PDLIM2: variants seen among roughly 807,000 people sequenced by gnomAD.
The protein encoded by PDLIM2 is PDZ and LIM domain 2, also known as PDZ and LIM domain protein 2.
In PDLIM2, 51 loss-of-function variants were observed where a neutral mutation model predicts 54.1. That is an observed-to-expected ratio of 0.94 (90% confidence interval 0.75 to 1.19). The LOEUF is 1.19. PDLIM2 is among the 50% of genes most tolerant of loss of function. The pLI is 0.00. For missense variants in PDLIM2, 912 were observed against 874.0 expected (o/e 1.04, Z -0.55); for synonymous variants, 398 against 385.6 (o/e 1.03, Z -0.38).
chr8:22,579,387 G>C, exon 1 of PDLIM2: 1 of 1,502,382 alleles, frequency 6.7e-7, no homozygotes, highest in Non-Finnish European at 8.8e-7. Context: ...TCCCCGGCCG[G>C]AGCGCTCCTC....
At chr8:22,579,990 C>T (rs1346669729) in intron 1 of PDLIM2, among the ~76,000 whole-genome samples, 2 of 152,188 alleles carry the variant, frequency 1.3e-5, no homozygotes, top group Non-Finnish European at 2.9e-5. Flanking sequence ...CCGTGTGATC[C>T]ACTTTGCCAA....
In PDLIM2 at chr8:22,583,232, G is replaced by C. The variant is rs928559672; in HGVS notation, c.996-1589G>C. The stretch of plus-strand genomic sequence containing the variant: ...GGAGCTGGGAGGGCGTGCCCCTCTC[G>C]CTGGTGGGGAGCTGGGCCTACTTGT... On this transcript the variant is annotated intron_variant, in intron 3 of 9. Transcript: ENST00000308354. Among the ~76,000 whole-genome samples, 7 of 152,188 alleles carry C rather than the reference G, an allele frequency of 4.6e-5. No homozygotes were observed. The East Asian group carries it at 1.2e-3, about 25-fold the overall frequency.
intron 6 of PDLIM2, chr8:22,587,886 G>A (rs1800424401): frequency 6.6e-6 from 1 of 152,280 alleles, no homozygotes; most frequent in African/African-American, 2.4e-5. Context: ...GAAATTACAG[G>A]TTCCCCCTGC....
exon 1 of PDLIM2, chr8:22,579,447 C>G (rs1187369478): frequency 6.6e-7 from 1 of 1,519,646 alleles, no homozygotes; most frequent in Admixed American, 2.0e-5. Context: ...GAAGGAGGCT[C>G]CAGAACTGGT....
chr8:22,593,920 G>A (rs1305157091), exon 10 of PDLIM2: 8 of 1,547,228 alleles, frequency 5.2e-6, no homozygotes, highest in Non-Finnish European at 3.5e-6. Flanking sequence ...AGCCCGCCAT[G>A]CCCTCAGCCT....
intron 9 of PDLIM2, 46 bp downstream of exon 8, chr8:22,591,714 G>T: frequency 6.5e-7 from 1 of 1,533,254 alleles, no homozygotes; most frequent in Non-Finnish European, 8.9e-7. Context: ...ACAGGGGAGT[G>T]GGGAGGGGGA....
chr8:22,580,101 T>G, intron 1 of PDLIM2: 3 of 223,670 alleles, frequency 1.3e-5, no homozygotes, highest in South Asian at 1.1e-4. Flanking sequence ...GGTGCCAGCC[T>G]GTTCCTTGAC....
At chr8:22,585,342 C>T (rs1327149751) in exon 6 of PDLIM2, 4 of 1,612,792 alleles carry the variant, frequency 2.5e-6, no homozygotes, top group African/African-American at 1.3e-5. Flanking sequence ...TGGCATGTTC[C>T]CCGGGCCTCC....
At chr8:22,586,342 A>G (rs972247660) in intron 6 of PDLIM2, among the ~76,000 whole-genome samples, 2 of 152,242 alleles carry the variant, frequency 1.3e-5, no homozygotes, top group Non-Finnish European at 2.9e-5. Context: ...CCCCTTGTTA[A>G]GGAATTGAAG....
intron 3 of PDLIM2, among the ~76,000 whole-genome samples, chr8:22,582,156 G>A (rs1384590681): frequency 6.6e-5 from 10 of 152,182 alleles, no homozygotes; most frequent in Admixed American, 3.9e-4. Flanking sequence ...GTCACAGATC[G>A]GGAATGCCAG....
Position 22,580,497 on chromosome 8 carries a change from C to A in PDLIM2, c.749-106C>A. 3 of 1,585,130 alleles carry A rather than the reference C, an allele frequency of 1.9e-6. No homozygotes were observed. The highest frequency in any genetic ancestry group is 2.6e-6 in the Non-Finnish European group (3 of 1,167,284). On this transcript the variant is annotated intron_variant, in intron 1 of 9. It adds an upstream start codon to the 5' untranslated region. Transcript: ENST00000308354. Reference sequence around the variant, plus strand: ...AGCCCCTGAGTAGCTGCTCCGGGAGCTGTGGTGCCCTCTCCTTCTCCCTTT... The same window carrying A: ...AGCCCCTGAGTAGCTGCTCCGGGAGATGTGGTGCCCTCTCCTTCTCCCTTT...
chr8:22,597,810 C>G (rs1452453774), downstream of PDLIM2: 1 of 152,344 alleles, frequency 6.6e-6, no homozygotes, highest in East Asian at 1.9e-4. Flanking sequence ...CTGGTTCTCT[C>G]TCTGCCTGTG....
chr8:22,589,760 G>A lies in PDLIM2; in HGVS notation c.1513+19G>A, dbSNP rs548653117. 3.2e-6 allele frequency: 5 copies of A among 1,557,388 alleles called. No homozygotes were observed. The highest frequency in any genetic ancestry group is 1.2e-5 in the South Asian group (1 of 84,540). ...GAGAGAGGTGAGGGTCTGGGGGGCT[G>A]GGGAGGGGAAGGAGGTTCCCTTCCG... On this transcript the variant is annotated intron_variant, in intron 8 of 9. Coordinates refer to ENST00000308354, the Ensembl canonical transcript of PDLIM2.
chr8:22,580,428 C>T, intron 1 of PDLIM2, 47 bp from the exon 1 acceptor site: 1 of 1,419,690 alleles, frequency 7.0e-7, no homozygotes, highest in Admixed American at 2.6e-5. Flanking sequence ...GGAAGTGAAA[C>T]CGGGCTGAGG....
exon 1 of PDLIM2, chr8:22,579,012 G>C: frequency 8.0e-7 from 1 of 1,244,532 alleles, no homozygotes; most frequent in African/African-American, 1.6e-5. Context: ...GGGCCAGGTG[G>C]CAGCGCCTGG....
At chr8:22,581,415 C>T (rs1386697631) in exon 3 of PDLIM2, 5 of 1,607,432 alleles carry the variant, frequency 3.1e-6, no homozygotes, top group Non-Finnish European at 3.4e-6. Context: ...CGCTGACCTC[C>T]GGCCTGGAGA....
At chr8:22,585,044 CAGTCCTCCTTAA>C in exon 5 of PDLIM2, 1 of 1,614,048 alleles carries the variant, frequency 6.2e-7, no homozygotes, top group Middle Eastern at 1.6e-4. Context: ...CACTGAGAGT[CAGTCCTCCTTAA>C]GGTCCTCCTA....
chr8:22,589,651 A>G, exon 8 of PDLIM2: 1 of 1,592,064 alleles, frequency 6.3e-7, no homozygotes, highest in Non-Finnish European at 8.6e-7. Context: ...AGTCTTCAAG[A>G]TGCTGCAGGA....
At chr8:22,592,077 C>CTTTTTTTTTTTTTTTTTTTTTTTTTTTG (rs60908593) in intron 9 of PDLIM2, 1 of 95,188 alleles carries the variant, frequency 1.1e-5, no homozygotes, top group Non-Finnish European at 1.9e-5. Context: ...TCTTTCTTTT[C>CTTTTTTTTTTTTTTTTTTTTTTTTTTTG]TTTTTTTTTT....
Sources: allele counts gnomAD v4.1 joint callset (sites outside exome capture counted in the v4.1 genomes callset), GRCh38; gene constraint gnomAD v4.1.1; transcripts MANE v1.5; gene names NCBI Gene and HGNC (gene_info 2026-07-23, HGNC 2026-07-21).